Variants in PCDH15 observed in about 807,000 individuals in gnomAD.
The protein encoded by PCDH15 is protocadherin-15.
A neutral mutation model predicts 178.5 loss-of-function variants in PCDH15; 129 were observed. That is an observed-to-expected ratio of 0.72 (90% CI 0.63 to 0.84). The LOEUF is 0.84. Ranked by LOEUF, PCDH15 falls within the 40% of genes least tolerant of loss-of-function variation. PCDH15 has a pLI of 0.00. For missense variants in PCDH15, 2,230 were observed against 2,099.9 expected, an observed-to-expected ratio of 1.06 and a Z score of -1.21; for synonymous variants, 800 against 732.0, an observed-to-expected ratio of 1.09 and a Z score of -1.50.
intron 26 of PCDH15, among the ~76,000 whole-genome samples, chr10:53,889,296 A>G (rs1205810459): frequency 6.6e-6 from 1 of 152,090 alleles, no homozygotes; most frequent in African/African-American, 2.4e-5. Flanking sequence ...GATATATCCA[A>G]TACATATATT....
intron 8 of PCDH15, among the ~76,000 whole-genome samples, chr10:54,237,481 T>A (rs1474082941): frequency 6.6e-6 from 1 of 152,178 alleles, no homozygotes; most frequent in East Asian, 1.9e-4. Flanking sequence ...CAATGGTCTA[T>A]AAGAAATAAT....
At chr10:54,149,769 A>G (rs2044336415) in intron 14 of PCDH15, among the ~76,000 whole-genome samples, 1 of 152,196 alleles carries the variant, frequency 6.6e-6, no homozygotes, top group South Asian at 2.1e-4. Flanking sequence ...GAGATTGAAG[A>G]GAGCACAGGA....
At chr10:55,004,533 C>A (rs914192191) in intron 2 of PCDH15, among the ~76,000 whole-genome samples, 7 of 152,142 alleles carry the variant, frequency 4.6e-5, no homozygotes, top group Non-Finnish European at 7.3e-5. Context: ...CACCAGACCC[C>A]TCACCTATCA....
intron 2 of PCDH15, among the ~76,000 whole-genome samples, chr10:55,479,764 G>C (rs896960371): frequency 2.6e-5 from 4 of 151,462 alleles, no homozygotes; most frequent in African/African-American, 9.7e-5. Flanking sequence ...ATACCCTACA[G>C]ATTCCACCAA....
At position 55,090,245 on chromosome 10, in the gene PCDH15, T is replaced by C. The variant is rs545904092; in HGVS notation, c.-80+76331A>G. On this transcript the variant is annotated intron_variant, in intron 2 of 5. Transcript: ENST00000458638. ...ATTAAACTTTTAAATTTTTATTAGT[T>C]ACTGGGGTCTTCAGTATTAAACTTA... Among the ~76,000 whole-genome samples, 39 of 152,208 alleles carry C rather than the reference T, an allele frequency of 2.6e-4. 1 individual carries two copies. The highest frequency in any genetic ancestry group is 8.4e-4 in the African/African-American group (35 of 41,568).
At chr10:54,961,406 G>C (rs1350029854) in intron 2 of PCDH15, among the ~76,000 whole-genome samples, 1 of 152,206 alleles carries the variant, frequency 6.6e-6, no homozygotes, top group Non-Finnish European at 1.5e-5. Flanking sequence ...TGATGGTGGC[G>C]AGAGGCAGGT....
intron 1 of PCDH15, among the ~76,000 whole-genome samples, chr10:55,304,396 T>C (rs1167763638): frequency 1.3e-5 from 2 of 152,164 alleles, no homozygotes; most frequent in Non-Finnish European, 2.9e-5. Context: ...ATTATTTGAG[T>C]TCCATGGTTC....
intron 21 of PCDH15, among the ~76,000 whole-genome samples, chr10:53,987,376 A>G (rs1589778833): frequency 6.6e-6 from 1 of 152,296 alleles, no homozygotes; most frequent in East Asian, 1.9e-4. Context: ...GAATACATAA[A>G]TAAACTAAGA....
chr10:54,602,791 C>T (rs1349930043), intron 2 of PCDH15, among the ~76,000 whole-genome samples: 1 of 151,880 alleles, frequency 6.6e-6, no homozygotes, highest in Non-Finnish European at 1.5e-5. Flanking sequence ...CATGTTCAAC[C>T]ATCCTTGCAC....
chr10:54,474,699 A>G (rs2078155190), intron 3 of PCDH15, among the ~76,000 whole-genome samples: 1 of 152,024 alleles, frequency 6.6e-6, no homozygotes, highest in African/African-American at 2.4e-5. Context: ...ATTTATTAAC[A>G]AAACACTAAA....
At chr10:54,220,604 T>A (rs2052668950) in intron 9 of PCDH15, among the ~76,000 whole-genome samples, 1 of 152,084 alleles carries the variant, frequency 6.6e-6, no homozygotes, top group East Asian at 1.9e-4. Context: ...GACGGGCGGA[T>A]CACGAGGTCA....
chr10:55,278,382 C>A (rs1427882579), intron 1 of PCDH15, among the ~76,000 whole-genome samples: 1 of 151,626 alleles, frequency 6.6e-6, no homozygotes, highest in Non-Finnish European at 1.5e-5. Context: ...TCTTTCATAT[C>A]TGTTTATATT....
chr10:54,166,581 T>C (rs923980993), intron 13 of PCDH15, among the ~76,000 whole-genome samples: 1 of 152,212 alleles, frequency 6.6e-6, no homozygotes, highest in Admixed American at 6.5e-5. Flanking sequence ...TCTATTTAAA[T>C]GTTTGTTTTT....
At position 54,825,120 on chromosome 10, in the gene PCDH15, G is replaced by A. The variant is rs570544045; in HGVS notation, c.-29+72330C>T. 1.4e-4 allele frequency among the ~76,000 whole-genome samples: 22 copies of A among 151,802 alleles called. No homozygotes were observed. In the East Asian group the frequency reaches 2.1e-3, roughly 15 times the overall value. On this transcript the variant is annotated intron_variant, in intron 3 of 5. Coordinates refer to the PCDH15 transcript ENST00000458638. The stretch of plus-strand genomic sequence containing the variant: ...TTCCCACCTATGAGTGAGAACATGC[G>A]GTGTTTGGTTTTTTGTCCTTGCGAT...
chr10:55,117,821 A>G (rs369117042), intron 2 of PCDH15, among the ~76,000 whole-genome samples: 1 of 152,156 alleles, frequency 6.6e-6, no homozygotes, highest in African/African-American at 2.4e-5. Context: ...ACAGAGGTCA[A>G]TTTTGGTTTT....
At chr10:55,264,722 T>C (rs1288616921) in intron 1 of PCDH15, among the ~76,000 whole-genome samples, 1 of 152,162 alleles carries the variant, frequency 6.6e-6, no homozygotes, top group East Asian at 1.9e-4. Context: ...CCTCAAAATC[T>C]GAAGGAAAAA....
At chr10:55,116,874 T>A (rs757199511) in intron 2 of PCDH15, among the ~76,000 whole-genome samples, 3 of 152,126 alleles carry the variant, frequency 2.0e-5, no homozygotes, top group Non-Finnish European at 4.4e-5. Context: ...TTCCACATAA[T>A]GAGAGAAAAG....
At chr10:55,119,227 A>T (rs952608845) in intron 2 of PCDH15, among the ~76,000 whole-genome samples, 1 of 152,152 alleles carries the variant, frequency 6.6e-6, no homozygotes, top group Non-Finnish European at 1.5e-5. Flanking sequence ...GTCCCTTCTC[A>T]GTATACGACC....
chr10:54,981,608 G>GT (rs932144134), intron 2 of PCDH15, among the ~76,000 whole-genome samples: 1 of 151,998 alleles, frequency 6.6e-6, no homozygotes, highest in Non-Finnish European at 1.5e-5. Flanking sequence ...AAACAAAAGG[G>GT]TTTTTTTCTT....
Sources: allele counts gnomAD v4.1 joint callset (sites outside exome capture counted in the v4.1 genomes callset), GRCh38; gene constraint gnomAD v4.1.1; transcripts MANE v1.5; gene names NCBI Gene and HGNC (gene_info 2026-07-23, HGNC 2026-07-21).